CNTNAP5: variants seen among roughly 807,000 people sequenced by gnomAD.
The protein encoded by CNTNAP5 is contactin associated protein family member 5.
A neutral mutation model predicts 150.2 loss-of-function variants in CNTNAP5; 72 were observed. The ratio of observed to expected loss-of-function variants is 0.48; its 90% confidence interval spans 0.40 to 0.58. CNTNAP5 has a LOEUF of 0.58. Among genes scored for constraint, CNTNAP5 ranks in the 20% least tolerant of loss-of-function variants. The pLI is 0.00. For missense variants in CNTNAP5, 1,636 were observed against 1,626.2 expected, an observed-to-expected ratio of 1.01 and a Z score of -0.10; for synonymous variants, 672 against 619.8, an observed-to-expected ratio of 1.08 and a Z score of -1.25.
At chr2:124,675,002 T>C (rs1442246987) in intron 13 of CNTNAP5, among the ~76,000 whole-genome samples, 1 of 152,146 alleles carries the variant, frequency 6.6e-6, no homozygotes, top group Non-Finnish European at 1.5e-5. Context: ...AAATGTTCTA[T>C]GTTCTTGATC....
intron 3 of CNTNAP5, among the ~76,000 whole-genome samples, chr2:124,415,968 A>G (rs566848500): frequency 1.8e-4 from 27 of 152,282 alleles, no homozygotes; most frequent in African/African-American, 6.0e-4. Context: ...GAGTATTTTT[A>G]ATAATTCTTT....
rs528825268 is a variant in CNTNAP5, at chr2:124,517,754, T to G, written c.1328-6549T>G. Among the ~76,000 whole-genome samples the G allele has an allele frequency of 8.1e-5, 12 of 147,904 alleles. No individual in the cohort carries two copies. In the South Asian group the frequency reaches 2.4e-3, roughly 30 times the overall value. ...TGATGGAGGGTTTTGGTGTTGGTGATGGGGGCTTGTGGTGTTAGTGATGGA... is the reference window on the plus strand; with the variant it reads ...TGATGGAGGGTTTTGGTGTTGGTGAGGGGGGCTTGTGGTGTTAGTGATGGA... On this transcript the variant is annotated intron_variant, in intron 8 of 23. Coordinates refer to ENST00000682447, the MANE Select transcript of CNTNAP5 (RefSeq NM_001367498.1).
At chr2:124,073,205 C>T (rs1353330268) in intron 1 of CNTNAP5, among the ~76,000 whole-genome samples, 1 of 151,904 alleles carries the variant, frequency 6.6e-6, no homozygotes, top group Non-Finnish European at 1.5e-5. Context: ...CGCAAAAAAT[C>T]CAATCAAAAT....
intron 1 of CNTNAP5, among the ~76,000 whole-genome samples, chr2:124,082,658 A>G (rs976795229): frequency 1.3e-5 from 2 of 152,214 alleles, no homozygotes; most frequent in African/African-American, 2.4e-5. Flanking sequence ...ATTTCTCTGA[A>G]TCAGTGTCAA....
intron 3 of CNTNAP5, among the ~76,000 whole-genome samples, chr2:124,405,002 G>C (rs1691533325): frequency 7.1e-6 from 1 of 140,344 alleles, no homozygotes; most frequent in African/African-American, 2.6e-5. Flanking sequence ...AAGGTCTATG[G>C]ATAAATTCAG....
At position 124,239,932 on chromosome 2, in the gene CNTNAP5, C is replaced by T. The variant is rs115494203; in HGVS notation, c.188-2268C>T. Among the ~76,000 whole-genome samples, 528 of 152,224 alleles carry T rather than the reference C, an allele frequency of 3.5e-3. 5 individuals carry two copies. Among genetic ancestry groups the T allele is most frequent in the African/African-American group, 0.012 (511 of 41,544 alleles). On this transcript the variant is annotated intron_variant, in intron 2 of 23. Transcript: ENST00000682447. ...AAATGTACTCCTAGATCTGGCATCT[C>T]AGAATCTCTGCTCAAATACCTACTT...
intron 3 of CNTNAP5, among the ~76,000 whole-genome samples, chr2:124,363,518 C>CT (rs1223047245): frequency 6.6e-6 from 1 of 152,168 alleles, no homozygotes; most frequent in Non-Finnish European, 1.5e-5. Flanking sequence ...AGAAATATTA[C>CT]TTTTTTCTCT....
chr2:124,727,111 G>C (rs932529643), intron 13 of CNTNAP5, among the ~76,000 whole-genome samples: 1 of 151,924 alleles, frequency 6.6e-6, no homozygotes, highest in Non-Finnish European at 1.5e-5. Flanking sequence ...ACCATGTTTT[G>C]TCCTTTGTAC....
intron 20 of CNTNAP5, among the ~76,000 whole-genome samples, chr2:124,866,508 A>G (rs987470461): frequency 6.6e-6 from 1 of 152,140 alleles, no homozygotes; most frequent in Non-Finnish European, 1.5e-5. Flanking sequence ...CCTGGGCATC[A>G]GTACTTACTT....
intron 1 of CNTNAP5, among the ~76,000 whole-genome samples, chr2:124,044,673 A>G (rs551101717): frequency 1.3e-5 from 2 of 152,184 alleles, no homozygotes; most frequent in African/African-American, 4.8e-5. Flanking sequence ...CTCTTTTCTG[A>G]TAGTTCCCCA....
chr2:124,777,615 TCAAA>T (rs1277996659), intron 17 of CNTNAP5, among the ~76,000 whole-genome samples: 1 of 152,148 alleles, frequency 6.6e-6, no homozygotes, highest in Non-Finnish European at 1.5e-5. Flanking sequence ...ATTCCTGGGC[TCAAA>T]CAATCTGCCC....
chr2:124,363,405 G>T (rs756940622), intron 3 of CNTNAP5, among the ~76,000 whole-genome samples: 9 of 152,094 alleles, frequency 5.9e-5, no homozygotes, highest in Non-Finnish European at 5.9e-5. Flanking sequence ...ACATCTCCCT[G>T]TGTCAAACTC....
intron 1 of CNTNAP5, among the ~76,000 whole-genome samples, chr2:124,090,247 G>T (rs370257692): frequency 2.0e-5 from 3 of 151,838 alleles, no homozygotes; most frequent in Non-Finnish European, 2.9e-5. Flanking sequence ...AATCAGTTTC[G>T]GCATGTTCTA....
intron 19 of CNTNAP5, among the ~76,000 whole-genome samples, chr2:124,855,166 G>GTTT (rs1558801475): frequency 1.2e-4 from 9 of 77,536 alleles, no homozygotes; most frequent in African/African-American, 4.1e-4. Flanking sequence ...TTGGGCTTTT[G>GTTT]CTTTTTTTTT....
chr2:124,589,831 G>A (rs901765876), intron 11 of CNTNAP5, among the ~76,000 whole-genome samples: 1 of 152,152 alleles, frequency 6.6e-6, no homozygotes, highest in Non-Finnish European at 1.5e-5. Flanking sequence ...TAATCAAGAA[G>A]CAGAATAGTT....
chr2:124,828,735 CAAAAAAAAAAAAAAAAA>C (rs60339676), intron 19 of CNTNAP5, among the ~76,000 whole-genome samples: 135 of 23,118 alleles, frequency 5.8e-3, no homozygotes, highest in African/African-American at 0.014. Context: ...CAAGTGTTGG[CAAAAAAAAAAAAAAAAA>C]AAAAAAAAAA....
At chr2:124,604,624 A>G (rs1380803448) in intron 11 of CNTNAP5, among the ~76,000 whole-genome samples, 1 of 152,200 alleles carries the variant, frequency 6.6e-6, no homozygotes, top group East Asian at 1.9e-4. Context: ...CATTCCCATT[A>G]ATAAATCAGG....
chr2:124,774,544 G>A (rs1228824839), intron 17 of CNTNAP5, among the ~76,000 whole-genome samples: 1 of 152,092 alleles, frequency 6.6e-6, no homozygotes, highest in Non-Finnish European at 1.5e-5. Context: ...TATGTGATAT[G>A]ATTCACTATT....
intron 3 of CNTNAP5, among the ~76,000 whole-genome samples, chr2:124,283,115 T>A (rs1372464190): frequency 2.0e-5 from 3 of 152,258 alleles, no homozygotes; most frequent in East Asian, 3.9e-4. Flanking sequence ...GGAGCAAATC[T>A]TTTTTCCACT....
Sources: allele counts gnomAD v4.1 joint callset (sites outside exome capture counted in the v4.1 genomes callset), GRCh38; gene constraint gnomAD v4.1.1; transcripts MANE v1.5; gene names NCBI Gene and HGNC (gene_info 2026-07-23, HGNC 2026-07-21).